Variants in TMC6 observed in about 807,000 individuals in gnomAD.
TMC6 encodes the protein transmembrane channel-like protein 6.
TMC6 carries 71 observed loss-of-function variants against 95.4 expected under a neutral mutation model. That is an observed-to-expected ratio of 0.74 (90% CI 0.61 to 0.91). The LOEUF is 0.91. TMC6 is among the 40% of genes least tolerant of loss of function. The pLI, the probability that TMC6 is intolerant of heterozygous loss-of-function variation, is 0.00. For synonymous variants in TMC6, 514 were observed against 483.1 expected (o/e 1.06, Z -0.84); for missense variants, 1,074 against 1,079.1 (o/e 1.00, Z 0.07).
rs566076709 is a variant in TMC6 at position 78,111,897 on chromosome 17, G to A, written c.*1251C>T. 3.9e-5 allele frequency: 9 copies of A among 231,030 alleles called. No individual in the cohort carries two copies. Among genetic ancestry groups the A allele is most frequent in the Non-Finnish European group, 7.0e-5 (8 of 113,738 alleles). 14.3% of individuals were successfully genotyped at this position (231,030 alleles called of 1,614,324 possible). A position where few individuals can be genotyped will look rare whatever the true frequency, so the allele number is the denominator to read the frequency against. Reference sequence around the variant, plus strand: ...CAAGCCTGGAACCCTGCGCCGTGACGGGCTGGTCCCCACAGACCTGGAGCA... The same window carrying A: ...CAAGCCTGGAACCCTGCGCCGTGACAGGCTGGTCCCCACAGACCTGGAGCA... On this transcript the variant is annotated 3_prime_UTR_variant, in exon 20 of 20. Coordinates refer to ENST00000590602, the MANE Select transcript of TMC6 (RefSeq NM_001127198.5).
At position 78,115,915 on chromosome 17, in the gene TMC6, G is replaced by A. The variant is rs553050745; in HGVS notation, c.2277+1354C>T. Among the ~76,000 whole-genome samples the A allele has an allele frequency of 2.9e-4, 43 of 149,522 alleles. No individual in the cohort carries two copies. In the South Asian group the frequency reaches 3.7e-3, roughly 13 times the overall value. On this transcript the variant is annotated intron_variant, in intron 18 of 19. Coordinates refer to ENST00000590602, the MANE Select transcript of TMC6 (RefSeq NM_001127198.5). ...GGGCGAAGGGAGTGGGCACAGGGGC[G>A]AAGGGAGTGGGCACAGGGACCAGCT...
rs139010324 is a variant in TMC6, at chr17:78,117,494, A to G, written c.2172T>C (p.Phe724=). 148 of 1,609,420 alleles carry G rather than the reference A, an allele frequency of 9.2e-5. No individual in the cohort carries two copies. The African/African-American group carries it at 1.8e-3, about 19-fold the overall frequency. The change falls in exon 17 of 20, where the codon TTT becomes TTC. Residue 724 remains phenylalanine, a synonymous_variant. Transcript: ENST00000590602. The stretch of plus-strand genomic sequence containing the variant: ...GCAGCAGGGCTGACACCAGGAAGAC[A>G]AAGAAGGTGTTTTCCATCAGGTACC... The part of the protein sequence containing the change: ...VHRYLMENTF[F]VFLVSALLLA...
chr17:78,115,162 G>A (rs1280855409), intron 18 of TMC6, among the ~76,000 whole-genome samples: 2 of 152,246 alleles, frequency 1.3e-5, no homozygotes, highest in East Asian at 1.9e-4. Context: ...CAATGTGGGA[G>A]CCGTCCCATG....
intron 13 of TMC6, 41 bp from the exon 14 acceptor site, chr17:78,119,433 G>A: frequency 6.2e-7 from 1 of 1,604,970 alleles, no homozygotes; most frequent in East Asian, 2.2e-5. Context: ...GGAAAGCCAT[G>A]CCCAGGGAGG....
chr17:78,125,888 T>A lies in TMC6; in HGVS notation c.272-4A>T. On this transcript the variant is annotated splice_region_variant and splice_polypyrimidine_tract_variant and intron_variant, in intron 4 of 19. Coordinates refer to ENST00000590602, the MANE Select transcript of TMC6 (RefSeq NM_001127198.5). ...ATGATGGCACCTCGGCTGCGGCCTA[T>A]GGAGGCAGCTGGGCAGGGCCGGGCC... 1 of 1,550,454 alleles carries A rather than the reference T, an allele frequency of 6.4e-7. No homozygotes were observed. The highest frequency in any genetic ancestry group is 8.7e-7 in the Non-Finnish European group (1 of 1,146,880).
chr17:78,131,447 CG>C (rs1273162440), upstream of TMC6: 3 of 1,232,466 alleles, frequency 2.4e-6, no homozygotes, highest in African/African-American at 3.0e-5. Flanking sequence ...GCCCCGACGC[CG>C]GCGCAGAGGG....
At position 78,121,880 on chromosome 17, in the gene TMC6, C is replaced by T. The variant is rs1414518666; in HGVS notation, c.1228-169G>A. Among the ~76,000 whole-genome samples the T allele has an allele frequency of 6.6e-6, 1 of 152,168 alleles. No homozygotes were observed. The highest frequency in any genetic ancestry group is 1.5e-5 in the Non-Finnish European group (1 of 68,014). On this transcript the variant is annotated intron_variant, in intron 10 of 19. Transcript: ENST00000590602. This position sits in a 1 kb window ranked among gnomAD's most constrained non-coding sequence, Gnocchi z 5.6. ...TGCCCTTTCATCTGCTGAGGGCCCT[C>T]CCTCCAGGCGCAGAGAGGACCCAGT...
chr17:78,119,450 T>C (rs1404489002), intron 13 of TMC6, 58 bp from the exon 14 acceptor site: 2 of 1,575,276 alleles, frequency 1.3e-6, no homozygotes. Flanking sequence ...GAGGCCAGCC[T>C]GAGTCCCCAC....
Position 78,125,844 on chromosome 17 carries a change from G to A in TMC6, c.312C>T (p.Arg104=), listed in dbSNP as rs747061600. The A allele has an allele frequency of 8.4e-6, 13 of 1,552,290 alleles. No individual in the cohort carries two copies. In the Admixed American group the frequency reaches 2.5e-4, roughly 30 times the overall value. ...TGCTCCTGCACCGAAGCTGCACCGT[G>A]CGGTTGTAGTACTGGGAGATGATGG... The part of the protein sequence containing the change: ...RGAIISQYYN[R]TVQLRCRSSR... The change falls in exon 5 of 20, where the codon CGC becomes CGT. Residue 104 remains arginine, a synonymous_variant. Transcript: ENST00000590602.
At position 78,112,505 on chromosome 17, in the gene TMC6, T is replaced by A. The variant is rs2144821310; in HGVS notation, c.*643A>T. On this transcript the variant is annotated 3_prime_UTR_variant, in exon 20 of 20. Coordinates refer to ENST00000590602, the MANE Select transcript of TMC6 (RefSeq NM_001127198.5). ...GCCAGCCCCACCTCACCAAGCCCTG[T>A]TCGCCTCCAAGCACAGGTGCTGGTT... is the stretch of plus-strand genomic sequence containing the variant. 6.1e-6 allele frequency: 1 copy of A among 163,028 alleles called. No individual in the cohort carries two copies. Among genetic ancestry groups the A allele is most frequent in the African/African-American group, 2.4e-5 (1 of 41,642 alleles). 10.1% of individuals were successfully genotyped at this position (163,028 alleles called of 1,614,324 possible).
At chr17:78,119,781 C>T (rs1400882585) in intron 13 of TMC6, 2 of 395,164 alleles carry the variant, frequency 5.1e-6, no homozygotes, top group Admixed American at 3.6e-5. Context: ...ACTACAGGCA[C>T]ACACCACCAG....
intron 13 of TMC6, chr17:78,119,972 T>C: frequency 2.7e-6 from 1 of 368,042 alleles, no homozygotes; most frequent in East Asian, 8.7e-5. Flanking sequence ...TTAATCTTAT[T>C]TTTTATTATT....
Position 78,128,377 on chromosome 17 carries a change from C to A in TMC6, c.-75+235G>T, listed in dbSNP as rs1449602909. On this transcript the variant is annotated intron_variant, in intron 1 of 19. Coordinates refer to ENST00000590602, the MANE Select transcript of TMC6 (RefSeq NM_001127198.5). This position sits in a 1 kb window ranked among gnomAD's most constrained non-coding sequence, Gnocchi z 4.0. The stretch of plus-strand genomic sequence containing the variant: ...CGTGCCCTGGCGCTCGGCTGGGGGA[C>A]CTGGGTGGGGGCTGCGGATTTTGCT... 1.3e-5 allele frequency among the ~76,000 whole-genome samples: 2 copies of A among 152,020 alleles called. No homozygotes were observed. Among genetic ancestry groups the A allele is most frequent in the Non-Finnish European group, 2.9e-5 (2 of 67,958 alleles).
At chr17:78,114,328 T>C (rs974083713) in intron 18 of TMC6, among the ~76,000 whole-genome samples, 1 of 152,150 alleles carries the variant, frequency 6.6e-6, no homozygotes, top group Non-Finnish European at 1.5e-5. Flanking sequence ...GAGATCACGC[T>C]GGGCCACCAC....
chr17:78,118,338 A>C (rs2074237716), intron 15 of TMC6, among the ~76,000 whole-genome samples: 2 of 151,650 alleles, frequency 1.3e-5, no homozygotes, highest in African/African-American at 4.9e-5. Context: ...GGGCGATCAC[A>C]AGGTCAGGAG....
Position 78,112,760 on chromosome 17 carries a change from GGCGC to G in TMC6, c.*384_*387del, listed in dbSNP as rs1342336974. 3.2e-6 allele frequency: 1 copy of G among 316,660 alleles called. No individual in the cohort carries two copies. The highest frequency in any genetic ancestry group is 5.9e-6 in the Non-Finnish European group (1 of 168,172). 19.6% of individuals were successfully genotyped at this position (316,660 alleles called of 1,614,324 possible). A position where few individuals can be genotyped will look rare whatever the true frequency, so the allele number is the denominator to read the frequency against. ...AAAGGCAGCAAGCGAATCAAGCCCT[GGCGC>G]GGTCCAGCCCCTGCCATCTGGGGCT... On this transcript the variant is annotated 3_prime_UTR_variant, in exon 20 of 20. Transcript: ENST00000590602.
Position 78,121,648 on chromosome 17 carries a change from C to T in TMC6, c.1291G>A (p.Ala431Thr). ...AGCCACACAAGCCCCAGCACAGCCGCCTGCCGCAGCCTCCCGCACACGCTC... is the reference window on the plus strand; with the variant it reads ...AGCCACACAAGCCCCAGCACAGCCGTCTGCCGCAGCCTCCCGCACACGCTC... ...PRSVCGRLRQ[A>T]AVLGLVWLLC... The change falls in exon 11 of 20, where the codon GCG (alanine) becomes ACG (threonine). Residue 431 changes from alanine (A) to threonine (T), a missense_variant. Ala to Thr is a moderately conservative substitution (Grantham distance 58). Transcript: ENST00000590602. This position sits in a 1 kb window ranked among gnomAD's most constrained non-coding sequence, Gnocchi z 5.6. 1 of 1,606,188 alleles carries T rather than the reference C, an allele frequency of 6.2e-7. No individual in the cohort carries two copies. The highest frequency in any genetic ancestry group is 8.5e-7 in the Non-Finnish European group (1 of 1,177,938).
chr17:78,123,842 T>C (rs1230247862), intron 9 of TMC6, 147 bp downstream of exon 9: 3 of 1,078,304 alleles, frequency 2.8e-6, no homozygotes, highest in Non-Finnish European at 4.1e-6. Context: ...GGTGGGTAAG[T>C]GGATAGTTGG....
At chr17:78,125,606 G>A (rs2074668816) in intron 5 of TMC6, 120 bp downstream of exon 5, 6 of 1,439,010 alleles carry the variant, frequency 4.2e-6, no homozygotes, top group Non-Finnish European at 5.6e-6. Context: ...AGCCTGCTAA[G>A]GGATAGGAGA....
Sources: gnomAD v4.1 joint callset for allele counts (sites outside exome capture counted in the v4.1 genomes callset) on GRCh38, gnomAD v4.1.1 for gene constraint, Gnocchi (gnomAD v3.1) non-coding constraint, MANE v1.5 for transcripts, NCBI Gene and HGNC (gene_info 2026-07-23, HGNC 2026-07-21) for gene names.